The following ZKSCAN7 variants were observed in gnomAD, a reference collection of about 807,000 sequenced individuals.
The protein encoded by ZKSCAN7 is zinc finger with KRAB and SCAN domains 7, also known as zinc finger protein with KRAB and SCAN domains 7.
Under a neutral mutation model 65.3 loss-of-function variants are expected in ZKSCAN7, and 38 were observed. The observed-to-expected ratio is 0.58, with a 90% CI of 0.45 to 0.76. The LOEUF (loss-of-function observed/expected upper bound fraction) is 0.76. ZKSCAN7 is among the 30% of genes least tolerant of loss of function. The pLI is 0.00. For missense variants in ZKSCAN7, 815 were observed against 913.3 expected (o/e 0.89, Z 1.39); for synonymous variants, 321 against 321.0 (o/e 1.00, Z 0.00).
chr3:44,572,711 G>A (rs534034434), downstream of ZKSCAN7, among the ~76,000 whole-genome samples: 43 of 151,826 alleles, frequency 2.8e-4, no homozygotes, highest in African/African-American at 1.0e-3. Context: ...TTAGCCAGGC[G>A]TGGTGGGGGG....
chr3:44,568,238 T>G, intron 4 of ZKSCAN7, 69 bp from the exon 5 acceptor site: 5 of 1,578,672 alleles, frequency 3.2e-6, no homozygotes, highest in Non-Finnish European at 4.3e-6. Flanking sequence ...CCCTGTGCCC[T>G]TCGTACCCCT....
At chr3:44,562,161 A>G (rs183060622) in intron 2 of ZKSCAN7, among the ~76,000 whole-genome samples, 4 of 152,080 alleles carry the variant, frequency 2.6e-5, no homozygotes, top group South Asian at 2.1e-4. Flanking sequence ...CCAAACCTCA[A>G]CTCTTGCCTT....
At chr3:44,556,783 A>C in intron 1 of ZKSCAN7, 147 bp from the exon 2 acceptor site, 1 of 529,518 alleles carries the variant, frequency 1.9e-6, no homozygotes, top group Non-Finnish European at 3.3e-6. Context: ...TGAAACTTTA[A>C]GAAGGGCATC....
chr3:44,568,504 T>C, intron 5 of ZKSCAN7, 71 bp downstream of exon 5: 2 of 1,547,570 alleles, frequency 1.3e-6, no homozygotes, highest in South Asian at 1.3e-5. Flanking sequence ...TCCTTGTCTC[T>C]TTAAACTTTT....
intron 5 of ZKSCAN7, chr3:44,581,165 C>T (rs1418773910): frequency 1.3e-5 from 11 of 855,484 alleles, no homozygotes; most frequent in Non-Finnish European, 1.3e-5. Flanking sequence ...GCGGGCGGCT[C>T]GCTGCACGCG....
rs768983525 is a variant in ZKSCAN7, at chr3:44,570,622, C to G, written c.1512C>G (p.Phe504Leu). 1.2e-6 allele frequency: 2 copies of G among 1,613,978 alleles called. No individual in the cohort carries two copies. The highest frequency in any genetic ancestry group is 1.1e-5 in the South Asian group (1 of 91,066). The change falls in exon 6 of 6, where the codon TTC becomes TTG. Residue 504 changes from phenylalanine to leucine, a missense_variant. Phe to Leu is a conservative substitution (Grantham distance 22). This residue lies in a region of ZKSCAN7 where 578 missense variants were observed against 629.5 expected (regional missense o/e 0.92). Coordinates refer to ENST00000426540, the MANE Select transcript of ZKSCAN7 (RefSeq NM_001288590.2). ...PYECNECGEA[F>L]IRSKSLARHQ... ...AATGCAATGAGTGTGGAGAGGCATT[C>G]ATTCGAAGCAAAAGTCTTGCTCGAC...
At chr3:44,576,613 T>A (rs1699928328), downstream of ZKSCAN7, among the ~76,000 whole-genome samples, 1 of 152,244 alleles carries the variant, frequency 6.6e-6, no homozygotes, top group African/African-American at 2.4e-5. Flanking sequence ...GACAAGGGCT[T>A]TCCAGTCCTG....
chr3:44,556,487 A>G (rs1355248619), intron 1 of ZKSCAN7, among the ~76,000 whole-genome samples: 1 of 152,278 alleles, frequency 6.6e-6, no homozygotes, highest in Non-Finnish European at 1.5e-5. Flanking sequence ...CTTACTCCCT[A>G]CATTGGTTTA....
At chr3:44,580,364 A>G (rs1388343040) in intron 5 of ZKSCAN7, 26 of 1,608,578 alleles carry the variant, frequency 1.6e-5, no homozygotes, top group Non-Finnish European at 2.0e-5. Flanking sequence ...TCTGGCTGGG[A>G]CTCTGAGCTG....
intron 5 of ZKSCAN7, among the ~76,000 whole-genome samples, chr3:44,579,443 G>A (rs1175847888): frequency 1.3e-5 from 2 of 152,322 alleles, no homozygotes; most frequent in East Asian, 1.9e-4. Flanking sequence ...CCGCTCCCAC[G>A]TGCGGCTCCT....
rs752209596 is a variant in ZKSCAN7, at chr3:44,570,137, G to T, written c.1027G>T (p.Asp343Tyr). 6.2e-7 allele frequency: 1 copy of T among 1,614,060 alleles called. No homozygotes were observed. The highest frequency in any genetic ancestry group is 2.2e-5 in the East Asian group (1 of 44,888). ...AGAAAATGATTTCTTGGAAATAACA[G>T]ATGAAGATAAGAAAAAATCCACAAA... ...RLENDFLEIT[D>Y]EDKKKSTKDR... Residue 343 changes from aspartate (D) to tyrosine (Y), a missense_variant, in exon 6 of 6, where the codon GAT becomes TAT. Asp to Tyr is a radical substitution (Grantham distance 160, BLOSUM62 -3). Transcript: ENST00000426540.
intron 5 of ZKSCAN7, 85 bp downstream of exon 5, chr3:44,568,518 C>A: frequency 9.1e-6 from 14 of 1,533,848 alleles, no homozygotes; most frequent in Non-Finnish European, 1.2e-5. Flanking sequence ...AACTTTTTAC[C>A]ATGAAAATTT....
rs370821218 is a variant in ZKSCAN7, at chr3:44,571,057, C to A, written c.1947C>A (p.His649Gln). The A allele has an allele frequency of 6.2e-7, 1 of 1,614,088 alleles. No homozygotes were observed. The highest frequency in any genetic ancestry group is 8.5e-7 in the Non-Finnish European group (1 of 1,180,026). Residue 649 changes from histidine to glutamine, a missense_variant, in exon 6 of 6, where the codon CAC (histidine) becomes CAA (glutamine). Around this residue, in one of 3 missense-constraint regions of ZKSCAN7, gnomAD observed 578 missense variants for 629.5 expected, o/e 0.92. Coordinates refer to ENST00000426540, the MANE Select transcript of ZKSCAN7 (RefSeq NM_001288590.2). ...ECGKSFNQNS[H>Q]LIIHQRIHTG... Reference sequence around the variant, plus strand: ...GAAAATCCTTCAATCAAAACTCACACCTTATTATACACCAGAGAATTCACA... The same window carrying A: ...GAAAATCCTTCAATCAAAACTCACAACTTATTATACACCAGAGAATTCACA...
chr3:44,573,574 A>G (rs1001550952), downstream of ZKSCAN7, among the ~76,000 whole-genome samples: 2 of 152,188 alleles, frequency 1.3e-5, no homozygotes, highest in East Asian at 3.8e-4. Flanking sequence ...TCAACTTTAT[A>G]TTTAGTATGT....
chr3:44,569,806 C>T lies in ZKSCAN7; in HGVS notation c.812-116C>T, dbSNP rs886083838. 2.8e-6 allele frequency: 4 copies of T among 1,404,688 alleles called. No homozygotes were observed. In the African/African-American group the frequency reaches 5.8e-5, roughly 21 times the overall value. 87.0% of individuals were successfully genotyped at this position (1,404,688 alleles called of 1,614,324 possible). A position where few individuals can be genotyped will look rare whatever the true frequency, so the allele number is the denominator to read the frequency against. ...CATTTTGCTCTTGTTCTCAATGTGTCATCTCATTTCTTAACCATAATGTGA... is the reference window on the plus strand; with the variant it reads ...CATTTTGCTCTTGTTCTCAATGTGTTATCTCATTTCTTAACCATAATGTGA... On this transcript the variant is annotated intron_variant, in intron 5 of 5. Coordinates refer to ENST00000426540, the MANE Select transcript of ZKSCAN7 (RefSeq NM_001288590.2).
intron 5 of ZKSCAN7, among the ~76,000 whole-genome samples, chr3:44,579,067 G>T (rs772678768): frequency 1.4e-4 from 22 of 152,318 alleles, no homozygotes; most frequent in Non-Finnish European, 3.2e-4. Flanking sequence ...GGACGGGGAC[G>T]ATGGGCACCT....
Position 44,580,907 on chromosome 3 carries a change from C to T in ZKSCAN7, c.812-2065C>T, listed in dbSNP as rs183547759. Reference sequence around the variant, plus strand: ...AACCGCCATAAATGGGTTTTGCCTGCGTCAGGTCCTCGTCGTTGAGGAGAT... The same window carrying T: ...AACCGCCATAAATGGGTTTTGCCTGTGTCAGGTCCTCGTCGTTGAGGAGAT... On this transcript the variant is annotated intron_variant, in intron 5 of 5. Transcript: ENST00000341840. The T allele has an allele frequency of 3.2e-4, 516 of 1,613,444 alleles. 1 individual carries two copies. The highest frequency in any genetic ancestry group is 1.7e-4 in the Non-Finnish European group (201 of 1,180,012).
At chr3:44,556,878 C>T in intron 1 of ZKSCAN7, 52 bp from the exon 2 acceptor site, 1 of 882,078 alleles carries the variant, frequency 1.1e-6, no homozygotes. Flanking sequence ...GGATTGTCAT[C>T]AGCCTGGGGC....
At chr3:44,566,138 A>G (rs894417431) in intron 3 of ZKSCAN7, among the ~76,000 whole-genome samples, 3 of 152,194 alleles carry the variant, frequency 2.0e-5, no homozygotes, top group Non-Finnish European at 4.4e-5. Flanking sequence ...TTGGGCAGTA[A>G]AAATGTGGAA....
Sources: gnomAD v4.1 joint callset for allele counts (sites outside exome capture counted in the v4.1 genomes callset) on GRCh38, gnomAD v4.1.1 for gene constraint, gnomAD v4.1.1 regional missense constraint, MANE v1.5 for transcripts, NCBI Gene and HGNC (gene_info 2026-07-23, HGNC 2026-07-21) for gene names.